CALN1: variants seen among roughly 807,000 people sequenced by gnomAD.
CALN1 encodes the protein calneuron 1, also known as calcium-binding protein 8.
In CALN1, 17 loss-of-function variants were observed where a neutral mutation model predicts 30.6. The observed-to-expected ratio is 0.56, with a 90% CI of 0.38 to 0.83. CALN1 has a LOEUF of 0.83. Among genes scored for constraint, CALN1 ranks in the 40% least tolerant of loss-of-function variants. The probability of loss-of-function intolerance (pLI) is 0.00; values close to 1 mark genes in which losing one functional copy is unlikely to be tolerated. For missense variants in CALN1, 291 were observed against 354.9 expected (o/e 0.82, Z 1.45); for synonymous variants, 156 against 131.4 (o/e 1.19, Z -1.28).
chr7:72,455,407 C>T, the CALN1 span, among the ~76,000 whole-genome samples: 3 of 150,782 alleles, frequency 2.0e-5, no homozygotes, highest in Non-Finnish European at 2.9e-5. Flanking sequence ...TATTTATGCA[C>T]ATATATTATA....
intron 1 of CALN1, among the ~76,000 whole-genome samples, chr7:72,418,624 C>T (rs943346671): frequency 2.6e-5 from 4 of 152,176 alleles, no homozygotes; most frequent in South Asian, 2.1e-4. Context: ...TTCCCCGCCC[C>T]GGCTCACATA....
chr7:71,956,412 G>A (rs919961302), intron 5 of CALN1, among the ~76,000 whole-genome samples: 8 of 151,860 alleles, frequency 5.3e-5, no homozygotes, highest in African/African-American at 1.9e-4. Context: ...AGATAAGAGT[G>A]CCCGGAAATT....
intron 6 of CALN1, among the ~76,000 whole-genome samples, chr7:71,804,963 T>A (rs1264013096): frequency 1.3e-5 from 2 of 151,942 alleles, no homozygotes; most frequent in Non-Finnish European, 2.9e-5. Context: ...ATAAAAAAAA[T>A]ATAAATAAAA....
chr7:71,961,188 A>G (rs11980820), intron 5 of CALN1, among the ~76,000 whole-genome samples: 54,242 of 152,110 alleles, frequency 0.36, 10,234 homozygotes, highest in African/African-American at 0.47. Context: ...GTCTATACCT[A>G]TAATACATAA....
In CALN1 at chr7:72,201,103, A is replaced by G. The variant is rs1428693569; in HGVS notation, c.244+77583T>C. Among the ~76,000 whole-genome samples, 4 of 152,342 alleles carry G rather than the reference A, an allele frequency of 2.6e-5. No individual in the cohort carries two copies. The East Asian group carries it at 7.7e-4, about 29-fold the overall frequency. On this transcript the variant is annotated intron_variant, in intron 3 of 6. Transcript: ENST00000395275. ...GACATACTATGCAGCTGTAAAAAAG[A>G]ATGAAATCATGTCCTTTGCAGGCAA... is the stretch of plus-strand genomic sequence containing the variant.
At chr7:71,888,458 T>C (rs955167364) in intron 5 of CALN1, among the ~76,000 whole-genome samples, 1 of 135,774 alleles carries the variant, frequency 7.4e-6, no homozygotes, top group African/African-American at 3.0e-5. Context: ...AGACATTTTT[T>C]CTTAAAAAAA....
At chr7:72,160,530 C>T (rs534490789) in intron 3 of CALN1, among the ~76,000 whole-genome samples, 4 of 152,058 alleles carry the variant, frequency 2.6e-5, no homozygotes, top group Non-Finnish European at 4.4e-5. Context: ...CTGCCCACCT[C>T]GACCCCTCAA....
intron 4 of CALN1, among the ~76,000 whole-genome samples, chr7:72,041,373 C>T (rs1375674145): frequency 6.6e-6 from 1 of 151,694 alleles, no homozygotes; most frequent in African/African-American, 2.4e-5. Context: ...CCTGTCCCCG[C>T]CCAAATTTTT....
intron 5 of CALN1, among the ~76,000 whole-genome samples, chr7:71,998,966 A>C (rs1799392044): frequency 1.3e-5 from 2 of 152,210 alleles, no homozygotes; most frequent in African/African-American, 4.8e-5. Flanking sequence ...ACCAAACAGA[A>C]AAAAATTAAT....
At chr7:72,342,891 G>A (rs1802448111) in intron 2 of CALN1, among the ~76,000 whole-genome samples, 1 of 152,112 alleles carries the variant, frequency 6.6e-6, no homozygotes, top group Non-Finnish European at 1.5e-5. Context: ...ATGTTGGAAG[G>A]TAAAATTTTT....
intron 5 of CALN1, among the ~76,000 whole-genome samples, chr7:71,870,950 C>T (rs1410812602): frequency 6.6e-6 from 1 of 152,042 alleles, no homozygotes; most frequent in South Asian, 2.1e-4. Flanking sequence ...AGGCAAGGGA[C>T]GTGTTTTCTA....
chr7:72,346,098 CTATT>C (rs1407844591), intron 2 of CALN1, among the ~76,000 whole-genome samples: 1 of 152,124 alleles, frequency 6.6e-6, no homozygotes, highest in Non-Finnish European at 1.5e-5. Flanking sequence ...TAGCTAAAGT[CTATT>C]TATTCTTAAT....
At chr7:72,247,250 TTTTTTTTTTTTTTTTTG>T in intron 3 of CALN1, among the ~76,000 whole-genome samples, 3 of 118,646 alleles carry the variant, frequency 2.5e-5, no homozygotes, top group African/African-American at 3.5e-5. Context: ...TTTTTTTTTT[TTTTTTTTTTTTTTTTTG>T]AGATGGAGTC....
At chr7:71,885,829 TC>T (rs1355477547) in intron 5 of CALN1, among the ~76,000 whole-genome samples, 6 of 152,218 alleles carry the variant, frequency 3.9e-5, no homozygotes, top group Admixed American at 2.0e-4. Context: ...TCTATTTTCA[TC>T]CTTTCCCCTC....
At chr7:72,181,222 A>G (rs1789783228) in intron 3 of CALN1, among the ~76,000 whole-genome samples, 1 of 148,134 alleles carries the variant, frequency 6.8e-6, no homozygotes, top group Non-Finnish European at 1.5e-5. Context: ...TGGAATATAT[A>G]TAATATATAA....
intron 6 of CALN1, among the ~76,000 whole-genome samples, chr7:71,800,662 C>T (rs1323936782): frequency 6.6e-6 from 1 of 152,020 alleles, no homozygotes; most frequent in Non-Finnish European, 1.5e-5. Flanking sequence ...AAAATGAGCA[C>T]GGGTGATGAA....
chr7:72,164,037 A>G lies in CALN1; in HGVS notation c.245-57743T>C, dbSNP rs564050860. On this transcript the variant is annotated intron_variant, in intron 3 of 6. Transcript: ENST00000395275. Reference sequence around the variant, plus strand: ...AAAGAGAGAGAAAAAACGGAGTAGGATGGACTCTAATCCAACAACTGGTAT... The same window carrying G: ...AAAGAGAGAGAAAAAACGGAGTAGGGTGGACTCTAATCCAACAACTGGTAT... Among the ~76,000 whole-genome samples, 3 of 152,318 alleles carry G rather than the reference A, an allele frequency of 2.0e-5. No individual in the cohort carries two copies. In the East Asian group the frequency reaches 5.8e-4, roughly 29 times the overall value.
intron 5 of CALN1, among the ~76,000 whole-genome samples, chr7:71,870,396 T>G (rs977555915): frequency 6.8e-6 from 1 of 147,998 alleles, no homozygotes; most frequent in African/African-American, 2.5e-5. Context: ...AAAAAAAAAA[T>G]GAGTGCTCTA....
chr7:72,384,968 A>T (rs1805124566), intron 2 of CALN1, among the ~76,000 whole-genome samples: 1 of 152,210 alleles, frequency 6.6e-6, no homozygotes, highest in South Asian at 2.1e-4. Context: ...AAAAAAACAA[A>T]GAATCTCATG....
Sources: allele counts gnomAD v4.1 joint callset (sites outside exome capture counted in the v4.1 genomes callset), GRCh38; gene constraint gnomAD v4.1.1; transcripts MANE v1.5; gene names NCBI Gene and HGNC (gene_info 2026-07-23, HGNC 2026-07-21).